SUGCT: variants seen among roughly 807,000 people sequenced by gnomAD.
SUGCT encodes the protein succinyl-CoA:glutarate-CoA transferase, also known as succinyl-CoA:glutarate CoA-transferase.
In SUGCT, 41 loss-of-function variants were observed where a neutral mutation model predicts 55.0. The ratio of observed to expected loss-of-function variants is 0.74; its 90% confidence interval spans 0.58 to 0.97. SUGCT has a LOEUF of 0.97. Ranked by LOEUF, SUGCT falls within the 50% of genes least tolerant of loss-of-function variation. The pLI, the probability that SUGCT is intolerant of heterozygous loss-of-function variation, is 0.00. For synonymous variants in SUGCT, 187 were observed against 200.4 expected (o/e 0.93, Z 0.56); for missense variants, 568 against 547.8 (o/e 1.04, Z -0.37).
At chr7:40,652,674 T>C (rs947531534) in intron 12 of SUGCT, among the ~76,000 whole-genome samples, 4 of 152,238 alleles carry the variant, frequency 2.6e-5, no homozygotes, top group African/African-American at 9.6e-5. Flanking sequence ...TTCATGGATA[T>C]TTGAACAAGA....
intron 9 of SUGCT, among the ~76,000 whole-genome samples, chr7:40,377,166 C>G (rs965629422): frequency 1.3e-4 from 2 of 15,896 alleles, no homozygotes; most frequent in African/African-American, 2.0e-4. Flanking sequence ...TTCTTTCTTT[C>G]TTTCTTTCTT....
chr7:40,396,279 T>C (rs896613934), intron 9 of SUGCT, among the ~76,000 whole-genome samples: 3 of 152,200 alleles, frequency 2.0e-5, no homozygotes, highest in Non-Finnish European at 4.4e-5. Context: ...AGTTTTATCA[T>C]CTATAAAATG....
At chr7:40,888,643 T>G in the SUGCT span, among the ~76,000 whole-genome samples, 2 of 152,188 alleles carry the variant, frequency 1.3e-5, no homozygotes, top group Non-Finnish European at 2.9e-5. Flanking sequence ...CAAGGTGCAC[T>G]TTGGGTGTGG....
chr7:40,688,417 CA>C (rs1784555354), intron 12 of SUGCT, among the ~76,000 whole-genome samples: 1 of 152,140 alleles, frequency 6.6e-6, no homozygotes, highest in African/African-American at 2.4e-5. Context: ...GTTGCCATGG[CA>C]CTTCTATTTG....
chr7:40,434,690 A>T (rs1583668114), intron 9 of SUGCT, among the ~76,000 whole-genome samples: 1 of 152,070 alleles, frequency 6.6e-6, no homozygotes, highest in Non-Finnish European at 1.5e-5. Flanking sequence ...GCCTTGAGTT[A>T]GGCTTCCAGA....
chr7:40,247,988 GT>G (rs1187006717), intron 7 of SUGCT, among the ~76,000 whole-genome samples: 1 of 148,062 alleles, frequency 6.8e-6, no homozygotes, highest in African/African-American at 2.5e-5. Flanking sequence ...GTTTATAGTT[GT>G]GATTCTTGTG....
the SUGCT span, among the ~76,000 whole-genome samples, chr7:40,906,559 A>T: frequency 6.6e-6 from 1 of 152,362 alleles, no homozygotes; most frequent in Admixed American, 6.5e-5. Flanking sequence ...ATAAAAAAAT[A>T]CAAATAAAAA....
At chr7:40,504,709 C>T (rs1412992453) in intron 12 of SUGCT, among the ~76,000 whole-genome samples, 1 of 152,158 alleles carries the variant, frequency 6.6e-6, no homozygotes, top group Non-Finnish European at 1.5e-5. Context: ...GCTGGGGTAA[C>T]AGGTGTGAGC....
At chr7:40,665,429 C>CAAAA (rs752816170) in intron 12 of SUGCT, among the ~76,000 whole-genome samples, 2 of 119,884 alleles carry the variant, frequency 1.7e-5, no homozygotes, top group African/African-American at 3.2e-5. Flanking sequence ...AACTCTATCT[C>CAAAA]AAAAAATAAA....
the SUGCT span, among the ~76,000 whole-genome samples, chr7:41,000,588 G>A: frequency 6.6e-6 from 1 of 151,460 alleles, no homozygotes; most frequent in Non-Finnish European, 1.5e-5. Context: ...ATTGTGTTTT[G>A]TAAGCCAGAG....
intron 7 of SUGCT, among the ~76,000 whole-genome samples, chr7:40,251,010 A>G (rs1342626969): frequency 9.9e-5 from 15 of 150,992 alleles, no homozygotes; most frequent in Admixed American, 9.9e-4. Context: ...TTTTTGTTTT[A>G]GTGGAGACGG....
intron 7 of SUGCT, among the ~76,000 whole-genome samples, chr7:40,253,568 C>CT (rs1562616498): frequency 1.5e-5 from 2 of 134,134 alleles, no homozygotes; most frequent in African/African-American, 2.7e-5. Flanking sequence ...AATATATTTA[C>CT]ATTTTTTTTT....
intron 11 of SUGCT, among the ~76,000 whole-genome samples, chr7:40,465,269 G>T (rs1790038972): frequency 6.6e-6 from 1 of 152,166 alleles, no homozygotes; most frequent in Non-Finnish European, 1.5e-5. Context: ...CCTTTTAACA[G>T]AGGTGCCAAA....
At chr7:40,318,301 C>T (rs1795542627) in intron 9 of SUGCT, among the ~76,000 whole-genome samples, 1 of 152,132 alleles carries the variant, frequency 6.6e-6, no homozygotes, top group African/African-American at 2.4e-5. Context: ...CAAACTTGCT[C>T]CTAGGTCAAG....
At chr7:40,377,198 CTT>C (rs376287161) in intron 9 of SUGCT, among the ~76,000 whole-genome samples, 100 of 16,510 alleles carry the variant, frequency 6.1e-3, no homozygotes, top group Middle Eastern at 0.024. Flanking sequence ...TTCTTTCTTT[CTT>C]TTCTTTTCTT....
the SUGCT span, among the ~76,000 whole-genome samples, chr7:41,012,115 A>G: frequency 6.6e-6 from 1 of 152,050 alleles, no homozygotes; most frequent in Non-Finnish European, 1.5e-5. Flanking sequence ...ATGATTCCCC[A>G]GTTTCTCAAG....
intron 12 of SUGCT, among the ~76,000 whole-genome samples, chr7:40,543,249 T>C (rs1468505131): frequency 6.6e-6 from 1 of 152,238 alleles, no homozygotes. Flanking sequence ...GCTGAAAATA[T>C]GATTTTACAT....
chr7:40,873,902 A>G, the SUGCT span, among the ~76,000 whole-genome samples: 1 of 152,228 alleles, frequency 6.6e-6, no homozygotes, highest in African/African-American at 2.4e-5. Context: ...TGACTCTGTA[A>G]CCTGCTGTGC....
At chr7:40,471,430 A>G (rs1790397648) in intron 11 of SUGCT, among the ~76,000 whole-genome samples, 1 of 152,032 alleles carries the variant, frequency 6.6e-6, no homozygotes, top group South Asian at 2.1e-4. Context: ...AAATCAATGT[A>G]CTTGCCTATA....
Sources: gnomAD v4.1 joint callset for allele counts (sites outside exome capture counted in the v4.1 genomes callset) on GRCh38, gnomAD v4.1.1 for gene constraint, MANE v1.5 for transcripts, NCBI Gene and HGNC (gene_info 2026-07-23, HGNC 2026-07-21) for gene names.